The following NEXMIF variants were observed in gnomAD, a reference collection of about 807,000 sequenced individuals.
The protein encoded by NEXMIF is XLMR protein related to neurite extension.
Under a neutral mutation model 62.1 loss-of-function variants are expected in NEXMIF, and 8 were observed. The observed-to-expected ratio is 0.13, with a 90% CI of 0.08 to 0.23. The LOEUF is 0.23. Ranked by LOEUF, NEXMIF falls within the 10% of genes least tolerant of loss-of-function variation. NEXMIF has a pLI of 1.00. For missense variants in NEXMIF, 976 were observed against 1,113.3 expected, an observed-to-expected ratio of 0.88 and a Z score of 1.75; for synonymous variants, 404 against 416.6, an observed-to-expected ratio of 0.97 and a Z score of 0.37.
intron 1 of NEXMIF, among the ~76,000 whole-genome samples, chrX:74,746,142 T>C (rs1259838648): frequency 3.6e-5 from 4 of 112,145 alleles, no homozygotes; most frequent in African/African-American, 1.3e-4. Context: ...CAGATGCTCT[T>C]CAAAAACAAG....
intron 1 of NEXMIF, among the ~76,000 whole-genome samples, chrX:74,781,843 T>C (rs2080248254): frequency 9.0e-6 from 1 of 111,349 alleles, no homozygotes; most frequent in African/African-American, 3.3e-5. Flanking sequence ...CTTAGGTGTA[T>C]GTGAAATTTA....
intron 1 of NEXMIF, among the ~76,000 whole-genome samples, chrX:74,873,253 T>A (rs1278057408): frequency 1.8e-5 from 2 of 111,229 alleles, no homozygotes; most frequent in Non-Finnish European, 1.9e-5. Context: ...TGGTTTTTTG[T>A]TCTTGTGATA....
chrX:74,795,217 C>G (rs866697212), intron 1 of NEXMIF, among the ~76,000 whole-genome samples: 1 of 112,304 alleles, frequency 8.9e-6, no homozygotes, highest in East Asian at 2.8e-4. Flanking sequence ...TACATCCACA[C>G]AAAAACCTGC....
intron 3 of NEXMIF, 50 bp downstream of exon 3, chrX:74,740,047 GGTA>G: frequency 9.2e-7 from 1 of 1,090,762 alleles, no homozygotes; most frequent in African/African-American, 1.8e-5. Context: ...GGGCTTAGTA[GGTA>G]GTAGGAGAGC....
intron 1 of NEXMIF, among the ~76,000 whole-genome samples, chrX:74,917,531 G>C (rs2080811720): frequency 8.9e-6 from 1 of 111,924 alleles, no homozygotes; most frequent in African/African-American, 3.2e-5. Context: ...CAGAGCTTAA[G>C]GAACTTTGCC....
At chrX:74,798,964 T>TA (rs1297637037) in intron 1 of NEXMIF, among the ~76,000 whole-genome samples, 1,802 of 89,058 alleles carry the variant, frequency 0.02, 30 homozygotes, top group African/African-American at 0.054. Context: ...AGGAATAAAG[T>TA]AAAAAAAAAA....
At chrX:74,905,489 C>A (rs759040503) in intron 1 of NEXMIF, among the ~76,000 whole-genome samples, 1 of 112,286 alleles carries the variant, frequency 8.9e-6, no homozygotes, top group Non-Finnish European at 1.9e-5. Context: ...TATTCCTAGT[C>A]TTTTCAATAC....
intron 1 of NEXMIF, among the ~76,000 whole-genome samples, chrX:74,784,987 G>A (rs1400147513): frequency 1.8e-5 from 2 of 111,750 alleles, no homozygotes; most frequent in East Asian, 2.8e-4. Context: ...CTTTGCATAT[G>A]TTTCTGAACT....
rs1213698794 is a variant in NEXMIF at position 74,920,964 on chromosome X, G to A, written c.-48+3919C>T. Among the ~76,000 whole-genome samples the A allele has an allele frequency of 2.7e-5, 3 of 111,244 alleles. No individual in the cohort carries two copies. The East Asian group carries it at 8.5e-4, about 31-fold the overall frequency. ...TGAGAAGCTGAAAATTTTTTTAATG[G>A]GGCTTGAGGGTGCTAGAGAAAACAG... On this transcript the variant is annotated intron_variant, in intron 1 of 3. Transcript: ENST00000055682.
At chrX:74,827,858 A>G (rs2080423583) in intron 1 of NEXMIF, among the ~76,000 whole-genome samples, 1 of 111,532 alleles carries the variant, frequency 9.0e-6, no homozygotes, top group Non-Finnish European at 1.9e-5. Flanking sequence ...TCTCCAACCC[A>G]CCCCATCCCT....
At position 74,736,229 on chromosome X, in the gene NEXMIF, A is replaced by T. The variant is rs1179033463; in HGVS notation, c.*3176T>A. On this transcript the variant is annotated 3_prime_UTR_variant, in exon 4 of 4. Transcript: ENST00000055682. ...AGATTTGAAAATAGCCAAAGCAATTAAAGGCAATTAAGAATGGGAAGGTTT... is the reference window on the plus strand; with the variant it reads ...AGATTTGAAAATAGCCAAAGCAATTTAAGGCAATTAAGAATGGGAAGGTTT... The T allele has an allele frequency of 8.9e-6, 1 of 111,893 alleles. No individual in the cohort carries two copies. The highest frequency in any genetic ancestry group is 1.9e-5 in the Non-Finnish European group (1 of 53,189). 9.2% of individuals were successfully genotyped at this position (111,893 alleles called of 1,213,427 possible).
At chrX:74,871,618 A>G (rs2080601201) in intron 1 of NEXMIF, among the ~76,000 whole-genome samples, 1 of 110,361 alleles carries the variant, frequency 9.1e-6, no homozygotes, top group Non-Finnish European at 1.9e-5. Context: ...CTATAGACCT[A>G]CCCCCAGGAA....
At chrX:74,797,008 C>T (rs1179201619) in intron 1 of NEXMIF, among the ~76,000 whole-genome samples, 1 of 111,868 alleles carries the variant, frequency 8.9e-6, no homozygotes, top group Non-Finnish European at 1.9e-5. Context: ...TTGTTAAAGG[C>T]TATTATGTGC....
At chrX:74,850,727 G>A (rs375920254) in intron 1 of NEXMIF, among the ~76,000 whole-genome samples, 17 of 110,961 alleles carry the variant, frequency 1.5e-4, no homozygotes, top group African/African-American at 3.6e-4. Flanking sequence ...AAGTCCTCCC[G>A]TATGAAAGAA....
chrX:74,888,461 A>C (rs2080705556), intron 1 of NEXMIF, among the ~76,000 whole-genome samples: 1 of 109,446 alleles, frequency 9.1e-6, no homozygotes, highest in South Asian at 4.1e-4. Flanking sequence ...CAAACACTGC[A>C]TGTTCTCACT....
intron 1 of NEXMIF, among the ~76,000 whole-genome samples, chrX:74,921,108 A>G (rs371125553): frequency 1.8e-5 from 2 of 111,907 alleles, no homozygotes; most frequent in East Asian, 5.6e-4. Flanking sequence ...TGAAGACTTC[A>G]GCTTCTTTTC....
intron 1 of NEXMIF, among the ~76,000 whole-genome samples, chrX:74,758,524 C>T (rs184561487): frequency 3.4e-4 from 38 of 111,294 alleles, no homozygotes; most frequent in African/African-American, 1.2e-3. Flanking sequence ...AAGATTAGTA[C>T]TTAATCGTTA....
intron 1 of NEXMIF, among the ~76,000 whole-genome samples, chrX:74,752,218 C>A (rs757643860): frequency 1.8e-5 from 2 of 112,024 alleles, no homozygotes; most frequent in Admixed American, 1.9e-4. Flanking sequence ...CCTGAGGGAA[C>A]TCTTTAATCC....
chrX:74,834,152 GAAAGA>G (rs2080448444), intron 1 of NEXMIF, among the ~76,000 whole-genome samples: 1 of 98,935 alleles, frequency 1.0e-5, no homozygotes. Context: ...AAAAAAAAAA[GAAAGA>G]AAAGAAAAGA....
Sources: gnomAD v4.1 joint callset for allele counts (sites outside exome capture counted in the v4.1 genomes callset) on GRCh38, gnomAD v4.1.1 for gene constraint, MANE v1.5 for transcripts, NCBI Gene and HGNC (gene_info 2026-07-23, HGNC 2026-07-21) for gene names.